TSPAN9: variants seen among roughly 807,000 people sequenced by gnomAD.
TSPAN9 encodes tetraspanin-9.
TSPAN9 carries 16 observed loss-of-function variants against 31.0 expected under a neutral mutation model. That is an observed-to-expected ratio of 0.52 (90% CI 0.35 to 0.78). The LOEUF is 0.78. Ranked by LOEUF, TSPAN9 falls within the 30% of genes least tolerant of loss-of-function variation. TSPAN9 has a pLI of 0.01. For missense variants in TSPAN9, 272 were observed against 312.5 expected, an observed-to-expected ratio of 0.87 and a Z score of 0.98; for synonymous variants, 145 against 121.6, an observed-to-expected ratio of 1.19 and a Z score of -1.27.
At chr12:3,137,961 C>T (rs530182857) in intron 2 of TSPAN9, among the ~76,000 whole-genome samples, 33 of 152,306 alleles carry the variant, frequency 2.2e-4, no homozygotes, top group South Asian at 1.0e-3. Context: ...CTTTGAGCCT[C>T]CGAGGAAGGT....
intron 2 of TSPAN9, among the ~76,000 whole-genome samples, chr12:3,145,964 G>A (rs1467395283): frequency 1.3e-5 from 2 of 152,194 alleles, no homozygotes; most frequent in Non-Finnish European, 2.9e-5. Context: ...CACTGGCTTG[G>A]CCTTGCGAGC....
chr12:3,090,367 G>T (rs1213530198), intron 2 of TSPAN9, among the ~76,000 whole-genome samples: 1 of 152,218 alleles, frequency 6.6e-6, no homozygotes, highest in African/African-American at 2.4e-5. Context: ...GCTGGTCTCT[G>T]CAGTCTTGCC....
chr12:3,270,696 A>T (rs980424812), intron 3 of TSPAN9, among the ~76,000 whole-genome samples: 2 of 152,216 alleles, frequency 1.3e-5, no homozygotes, highest in Admixed American at 6.5e-5. Context: ...CTGGGCATTT[A>T]TCCCACCACG....
chr12:3,114,615 G>A (rs2098321175), intron 2 of TSPAN9, among the ~76,000 whole-genome samples: 1 of 152,054 alleles, frequency 6.6e-6, no homozygotes, highest in Admixed American at 6.6e-5. Flanking sequence ...GGCTGAGGCG[G>A]GTGGATCACC....
In TSPAN9 at chr12:3,283,078, C is replaced by A; in HGVS notation, c.682C>A (p.Gln228Lys). The change falls in exon 9 of 9, where the codon CAG becomes AAG. Residue 228 changes from glutamine (Q) to lysine (K), a missense_variant. By Grantham distance (53) the Gln-to-Lys change is moderately conservative. Coordinates refer to ENST00000011898, the MANE Select transcript of TSPAN9 (RefSeq NM_006675.5). ...LGMAFSMTLF[Q>K]HIHRTGKKYD... ...CATGGCCTTCTCCATGACCCTCTTC[C>A]AGCACATCCACCGGACTGGTAAGAA... 1 of 1,609,660 alleles carries A rather than the reference C, an allele frequency of 6.2e-7. No homozygotes were observed. The highest frequency in any genetic ancestry group is 1.1e-5 in the South Asian group (1 of 91,082).
intron 2 of TSPAN9, among the ~76,000 whole-genome samples, chr12:3,193,110 A>G (rs1223147901): frequency 3.9e-5 from 6 of 152,030 alleles, no homozygotes; most frequent in Non-Finnish European, 8.8e-5. Context: ...CAGTGGGGTA[A>G]CTCACTCTAG....
chr12:3,174,450 A>C (rs923284870), intron 2 of TSPAN9, among the ~76,000 whole-genome samples: 2 of 152,244 alleles, frequency 1.3e-5, no homozygotes, highest in African/African-American at 4.8e-5. Context: ...TCTGTGTGTT[A>C]GAAAATGAAG....
At chr12:3,131,261 CG>C (rs35542282) in intron 2 of TSPAN9, among the ~76,000 whole-genome samples, 77,403 of 151,670 alleles carry the variant, frequency 0.51, 21,919 homozygotes, top group Admixed American at 0.61. Flanking sequence ...ACCCAGGCAC[CG>C]CGTGGTTGAG....
At chr12:3,133,722 A>C (rs1022311247) in intron 2 of TSPAN9, among the ~76,000 whole-genome samples, 4 of 152,126 alleles carry the variant, frequency 2.6e-5, no homozygotes, top group African/African-American at 9.7e-5. Context: ...TGCAAACTTG[A>C]ATAAGGGGTG....
At chr12:3,098,691 A>G (rs2098310338) in intron 2 of TSPAN9, among the ~76,000 whole-genome samples, 1 of 149,158 alleles carries the variant, frequency 6.7e-6, no homozygotes, top group Admixed American at 6.7e-5. Context: ...CATTGTTCTC[A>G]GTGTGATCTA....
intron 2 of TSPAN9, among the ~76,000 whole-genome samples, chr12:3,091,963 T>G (rs1472898724): frequency 6.6e-6 from 1 of 152,168 alleles, no homozygotes; most frequent in Admixed American, 6.5e-5. Context: ...TGTTGCAGGG[T>G]TAATGAGCTG....
rs750280803 is a variant in TSPAN9 at position 3,281,267 on chromosome 12, C to T, written c.502C>T (p.Arg168Cys). 2.6e-6 allele frequency: 4 copies of T among 1,551,288 alleles called. No individual in the cohort carries two copies. The highest frequency in any genetic ancestry group is 3.5e-6 in the Non-Finnish European group (4 of 1,146,964). Residue 168 changes from arginine to cysteine, a missense_variant, in exon 7 of 9, where the codon CGC becomes TGC. By Grantham distance (180) the Arg-to-Cys change is radical. Coordinates refer to ENST00000011898, the MANE Select transcript of TSPAN9 (RefSeq NM_006675.5). ...GCTGGGGGAGAACACGGTTCCCGAC[C>T]GCTGCTGCATGGAGAACTCCCAGGG... ...PVLGENTVPD[R>C]CCMENSQGCG...
At chr12:3,222,902 C>A (rs1220119127) in intron 3 of TSPAN9, among the ~76,000 whole-genome samples, 1 of 152,088 alleles carries the variant, frequency 6.6e-6, no homozygotes, top group East Asian at 1.9e-4. Flanking sequence ...CCGAGGGGGC[C>A]CTAAGTCACA....
chr12:3,080,322 T>C (rs181393858), intron 1 of TSPAN9, among the ~76,000 whole-genome samples: 1 of 152,152 alleles, frequency 6.6e-6, no homozygotes, highest in Admixed American at 6.5e-5. Flanking sequence ...AAACACTGAA[T>C]GTAAAATCTT....
At chr12:3,120,337 C>T (rs560517149) in intron 2 of TSPAN9, among the ~76,000 whole-genome samples, 6 of 152,128 alleles carry the variant, frequency 3.9e-5, no homozygotes, top group Admixed American at 2.0e-4. Context: ...TGGAACCTGG[C>T]TGATTAAACC....
At chr12:3,221,360 C>T (rs10848831) in intron 3 of TSPAN9, among the ~76,000 whole-genome samples, 78,283 of 141,000 alleles carry the variant, frequency 0.56, 22,780 homozygotes, top group East Asian at 0.75. Flanking sequence ...ATATTTTTCT[C>T]TTTTTTTTTT....
At chr12:3,148,813 C>T (rs1285560124) in intron 2 of TSPAN9, among the ~76,000 whole-genome samples, 1 of 152,220 alleles carries the variant, frequency 6.6e-6, no homozygotes, top group Non-Finnish European at 1.5e-5. Context: ...AGCTGTTGTC[C>T]ACCTCCCAGC....
rs1427294891 is a variant in TSPAN9 at position 3,284,906 on chromosome 12, T to C, written c.*1790T>C. 3 of 152,282 alleles carry C rather than the reference T, an allele frequency of 2.0e-5. No homozygotes were observed. Among genetic ancestry groups the C allele is most frequent in the African/African-American group, 7.2e-5 (3 of 41,460 alleles). The allele number at this position is 152,282 out of a possible 1,614,324, so 9.4% of individuals were successfully genotyped here. A position where few individuals can be genotyped will look rare whatever the true frequency, so the allele number is the denominator to read the frequency against. On this transcript the variant is annotated 3_prime_UTR_variant, in exon 9 of 9. Transcript: ENST00000011898. Reference sequence around the variant, plus strand: ...ACGGCCACCCAGCACCAGTCACTCCTCTGTTCACCTTAAGTAACACACAAA... The same window carrying C: ...ACGGCCACCCAGCACCAGTCACTCCCCTGTTCACCTTAAGTAACACACAAA...
intron 3 of TSPAN9, among the ~76,000 whole-genome samples, chr12:3,260,844 C>T (rs1008366915): frequency 1.2e-4 from 19 of 152,088 alleles, no homozygotes; most frequent in African/African-American, 4.3e-4. Context: ...GGCATCAGCC[C>T]CAAAGACAGG....
Sources: allele counts gnomAD v4.1 joint callset (sites outside exome capture counted in the v4.1 genomes callset), GRCh38; gene constraint gnomAD v4.1.1; transcripts MANE v1.5; gene names NCBI Gene and HGNC (gene_info 2026-07-23, HGNC 2026-07-21).